CD109: variants seen among roughly 807,000 people sequenced by gnomAD.
CD109 encodes CD109 antigen.
A neutral mutation model predicts 165.8 loss-of-function variants in CD109; 149 were observed. The ratio of observed to expected loss-of-function variants is 0.90; its 90% CI spans 0.79 to 1.03. The LOEUF is 1.03. Ranked by LOEUF, CD109 falls within the 50% of genes least tolerant of loss-of-function variation. The pLI, the probability that CD109 is intolerant of heterozygous loss-of-function variation, is 0.00. For missense variants in CD109, 1,712 were observed against 1,677.8 expected, an observed-to-expected ratio of 1.02 and a Z score of -0.36; for synonymous variants, 585 against 592.1, an observed-to-expected ratio of 0.99 and a Z score of 0.18.
At position 73,768,132 on chromosome 6, in the gene CD109, G is replaced by T. The variant is rs77023507; in HGVS notation, c.1575G>T (p.Trp525Cys). 187 of 1,610,696 alleles carry T rather than the reference G, an allele frequency of 1.2e-4. No individual in the cohort carries two copies. The East Asian group carries it at 4.1e-3, about 36-fold the overall frequency. The change falls in exon 14 of 33, where the codon TGG becomes TGT. Residue 525 changes from tryptophan to cysteine, a missense_variant. Physicochemically the swap from Trp to Cys is radical, Grantham distance 215. Coordinates refer to ENST00000287097, the MANE Select transcript of CD109 (RefSeq NM_133493.5). ...TMFSLTPENS[W>C]TPKACVIVYY... ...TCTCTTTAACACCAGAAAATTCTTG[G>T]ACTCCAAAAGCCTGTGTAATTGTGT... is the stretch of plus-strand genomic sequence containing the variant.
intron 20 of CD109, 135 bp downstream of exon 20, chr6:73,785,612 A>T: frequency 1.8e-6 from 1 of 547,402 alleles, no homozygotes; most frequent in Non-Finnish European, 3.2e-6. Flanking sequence ...CTGAAAATAG[A>T]CATGTCTTGT....
At chr6:73,761,541 G>T (rs557756887) in intron 7 of CD109, among the ~76,000 whole-genome samples, 92 of 152,062 alleles carry the variant, frequency 6.1e-4, no homozygotes, top group African/African-American at 2.0e-3. Flanking sequence ...TTTATTTTTT[G>T]AGTTGGAGTC....
At chr6:73,690,161 T>G in the CD109 span, among the ~76,000 whole-genome samples, 1 of 152,204 alleles carries the variant, frequency 6.6e-6, no homozygotes, top group African/African-American at 2.4e-5. Flanking sequence ...TTAAGATCCC[T>G]TTTATTTCCC....
chr6:73,730,907 A>G (rs867391340), intron 4 of CD109, among the ~76,000 whole-genome samples: 2 of 152,190 alleles, frequency 1.3e-5, no homozygotes, highest in South Asian at 2.1e-4. Flanking sequence ...TTTATTTTTC[A>G]GTGGGTAGTA....
chr6:73,704,993 T>A lies in CD109; in HGVS notation c.247+7421T>A, dbSNP rs145353426. On this transcript the variant is annotated intron_variant, in intron 2 of 32. Coordinates refer to ENST00000287097, the MANE Select transcript of CD109 (RefSeq NM_133493.5). ...CATAAATGTCCCACCTCTGCTGACA[T>A]ATTTGGCCTTTGGAGGGAACAGTTA... Among the ~76,000 whole-genome samples, 21 of 152,278 alleles carry A rather than the reference T, an allele frequency of 1.4e-4. No homozygotes were observed. The East Asian group carries it at 3.7e-3, about 27-fold the overall frequency.
chr6:73,764,862 G>A (rs1050771357), intron 10 of CD109, among the ~76,000 whole-genome samples: 2 of 151,870 alleles, frequency 1.3e-5, no homozygotes, highest in African/African-American at 4.8e-5. Flanking sequence ...AAGAATGGAG[G>A]GGTCACTTGT....
In CD109 at chr6:73,767,003, G is replaced by A; in HGVS notation, c.1490G>A (p.Ser497Asn). ...VSGNKRLKEL[S>N]YMVVSRGQLV... The stretch of plus-strand genomic sequence containing the variant: ...GGCAACAAACGATTGAAGGAGTTAA[G>A]CTATATGGTAATCTCTTATAGAATC... Residue 497 changes from serine to asparagine, a missense_variant, in exon 13 of 33, where the codon AGC becomes AAC. Transcript: ENST00000287097. The A allele has an allele frequency of 6.2e-7, 1 of 1,612,162 alleles. No individual in the cohort carries two copies. The highest frequency in any genetic ancestry group is 1.1e-5 in the South Asian group (1 of 90,964).
intron 15 of CD109, among the ~76,000 whole-genome samples, chr6:73,779,121 T>C (rs539488459): frequency 3.2e-4 from 49 of 152,332 alleles, no homozygotes; most frequent in Non-Finnish European, 5.6e-4. Context: ...AGTCTACTTC[T>C]GTCTTTATGA....
intron 22 of CD109, among the ~76,000 whole-genome samples, chr6:73,791,184 C>CATATATATAGATATATAT (rs1562071064): frequency 2.0e-5 from 1 of 50,892 alleles, no homozygotes; most frequent in African/African-American, 9.7e-5. Context: ...TATACACACA[C>CATATATATAGATATATAT]ACACATACAT....
At chr6:73,822,516 T>A (rs1221696877) in intron 32 of CD109, among the ~76,000 whole-genome samples, 1 of 152,212 alleles carries the variant, frequency 6.6e-6, no homozygotes, top group Non-Finnish European at 1.5e-5. Flanking sequence ...GAAACACTGG[T>A]GTGGCACTTT....
chr6:73,791,154 T>TACACATACAC (rs1412128027), intron 22 of CD109, among the ~76,000 whole-genome samples: 4 of 28,236 alleles, frequency 1.4e-4, no homozygotes, highest in Non-Finnish European at 2.0e-4. Flanking sequence ...TATATATATA[T>TACACATACAC]ATATATATAT....
intron 3 of CD109, among the ~76,000 whole-genome samples, chr6:73,727,210 C>G (rs1772172054): frequency 6.6e-6 from 1 of 152,072 alleles, no homozygotes; most frequent in Admixed American, 6.5e-5. Flanking sequence ...ATTATGCGCC[C>G]CCATTGTTAA....
At chr6:73,746,233 G>A (rs937882602) in intron 5 of CD109, among the ~76,000 whole-genome samples, 1 of 152,200 alleles carries the variant, frequency 6.6e-6, no homozygotes, top group Non-Finnish European at 1.5e-5. Flanking sequence ...TATTTTCAGT[G>A]GCATAGAGGG....
chr6:73,766,650 A>C, intron 11 of CD109, 109 bp from the exon 12 acceptor site: 1 of 755,874 alleles, frequency 1.3e-6, no homozygotes, highest in Middle Eastern at 3.8e-4. Context: ...TCTTGCATTA[A>C]AAAAAAGTGA....
At chr6:73,821,590 A>G (rs1776108811) in intron 32 of CD109, among the ~76,000 whole-genome samples, 1 of 152,258 alleles carries the variant, frequency 6.6e-6, no homozygotes, top group Admixed American at 6.5e-5. Context: ...ATGCAGCTGA[A>G]GGTCATTATT....
intron 5 of CD109, among the ~76,000 whole-genome samples, chr6:73,751,264 T>C (rs1773180209): frequency 6.6e-6 from 1 of 152,160 alleles, no homozygotes; most frequent in South Asian, 2.1e-4. Flanking sequence ...TAAAACTACA[T>C]TTTTCCTTTT....
chr6:73,781,178 A>G (rs116853574), intron 16 of CD109, 81 bp from the exon 17 acceptor site: 1 of 1,123,482 alleles, frequency 8.9e-7, no homozygotes, highest in East Asian at 2.5e-5. Context: ...CAAGTGAGTC[A>G]GGAGTTTGGG....
chr6:73,712,873 C>A (rs2150157743), intron 2 of CD109, among the ~76,000 whole-genome samples: 1 of 152,252 alleles, frequency 6.6e-6, no homozygotes, highest in South Asian at 2.1e-4. Context: ...CTAAGAAGAA[C>A]CTTACATAAC....
Position 73,788,512 on chromosome 6 carries a change from C to T in CD109, c.2601C>T (p.Asp867=). The change falls in exon 22 of 33, where the codon GAC becomes GAT. Residue 867 remains aspartate, a synonymous_variant. Transcript: ENST00000287097. ...EKSYSQSILL[D]LTDNRLQSTL... ...CATATTCACAATCCATCTTATTAGA[C>T]TTGACTGACAATAGGCTACAGAGTA... 1 of 1,611,976 alleles carries T rather than the reference C, an allele frequency of 6.2e-7. No homozygotes were observed. Among genetic ancestry groups the T allele is most frequent in the Non-Finnish European group, 8.5e-7 (1 of 1,179,434 alleles).
Sources: gnomAD v4.1 joint callset for allele counts (sites outside exome capture counted in the v4.1 genomes callset) on GRCh38, gnomAD v4.1.1 for gene constraint, MANE v1.5 for transcripts, NCBI Gene and HGNC (gene_info 2026-07-23, HGNC 2026-07-21) for gene names.